The following ADARB2 variants were observed in gnomAD, a reference collection of about 807,000 sequenced individuals.
ADARB2 encodes the protein adenosine deaminase RNA specific B2 (inactive).
A neutral mutation model predicts 62.2 loss-of-function variants in ADARB2; 25 were observed. The observed-to-expected ratio is 0.40, with a 90% CI of 0.29 to 0.56. The LOEUF (loss-of-function observed/expected upper bound fraction) is 0.56, where lower values mean the gene tolerates loss of function less well. Ranked by LOEUF, ADARB2 falls within the 20% of genes least tolerant of loss-of-function variation. The pLI is 0.43. For synonymous variants in ADARB2, 572 were observed against 500.8 expected (o/e 1.14, Z -1.90); for missense variants, 1,071 against 1,077.4 (o/e 0.99, Z 0.08).
intron 3 of ADARB2, among the ~76,000 whole-genome samples, chr10:1,353,624 A>G (rs1832166381): frequency 6.6e-6 from 1 of 152,060 alleles, no homozygotes; most frequent in Non-Finnish European, 1.5e-5. Context: ...ACCTCTCACG[A>G]CACAAACTAC....
intron 1 of ADARB2, among the ~76,000 whole-genome samples, chr10:1,625,560 A>G (rs1167269484): frequency 1.3e-5 from 2 of 152,046 alleles, no homozygotes; most frequent in African/African-American, 2.4e-5. Flanking sequence ...TAAGCTCCAC[A>G]GGTGGAGGCC....
chr10:1,693,845 T>C (rs987865435), intron 1 of ADARB2, among the ~76,000 whole-genome samples: 2 of 152,250 alleles, frequency 1.3e-5, no homozygotes, highest in Non-Finnish European at 2.9e-5. Context: ...AAATTTCCTT[T>C]AAATAATCAA....
At chr10:1,312,349 T>A (rs571197195) in intron 3 of ADARB2, among the ~76,000 whole-genome samples, 1 of 152,240 alleles carries the variant, frequency 6.6e-6, no homozygotes, top group African/African-American at 2.4e-5. Flanking sequence ...CAGGTCAGAG[T>A]GAGCCCCCGG....
chr10:1,249,527 C>T (rs1269655937), intron 4 of ADARB2, among the ~76,000 whole-genome samples: 1 of 150,830 alleles, frequency 6.6e-6, no homozygotes, highest in African/African-American at 2.4e-5. Flanking sequence ...CAAAATACAA[C>T]AAATGCTTTT....
intron 3 of ADARB2, among the ~76,000 whole-genome samples, chr10:1,323,462 C>A (rs1831814411): frequency 6.6e-6 from 1 of 152,084 alleles, no homozygotes; most frequent in African/African-American, 2.4e-5. Context: ...TAGACATAGA[C>A]AAGCTTATTC....
intron 1 of ADARB2, among the ~76,000 whole-genome samples, chr10:1,449,012 C>T (rs552795833): frequency 4.6e-5 from 7 of 152,224 alleles, no homozygotes; most frequent in Admixed American, 1.3e-4. Flanking sequence ...GAAGCGAGTT[C>T]GGGGAGAAAA....
intron 1 of ADARB2, among the ~76,000 whole-genome samples, chr10:1,469,809 T>C (rs1831298520): frequency 6.6e-6 from 1 of 152,156 alleles, no homozygotes; most frequent in Non-Finnish European, 1.5e-5. Context: ...AGAGAGATGG[T>C]AAAAGGGCTC....
At chr10:1,373,684 G>A (rs1415327424) in intron 2 of ADARB2, among the ~76,000 whole-genome samples, 2 of 152,204 alleles carry the variant, frequency 1.3e-5, no homozygotes, top group African/African-American at 4.8e-5. Flanking sequence ...AGACAGCACA[G>A]CTCCCCTGCC....
rs923434490 is a variant in ADARB2, at chr10:1,329,196, G to A, written c.1077+33832C>T. ...ATTTCAGCACGACAGAGAGCATCTC[G>A]GCAGCTGTCTGCATTCTGTGCCTGC... On this transcript the variant is annotated intron_variant, in intron 3 of 9. Coordinates refer to ENST00000381312, the MANE Select transcript of ADARB2 (RefSeq NM_018702.4). Among the ~76,000 whole-genome samples the A allele has an allele frequency of 3.3e-5, 5 of 152,220 alleles. No homozygotes were observed. The East Asian group carries it at 5.8e-4, about 18-fold the overall frequency.
At chr10:1,336,642 G>A (rs1370422098) in intron 3 of ADARB2, among the ~76,000 whole-genome samples, 1 of 152,174 alleles carries the variant, frequency 6.6e-6, no homozygotes, top group Non-Finnish European at 1.5e-5. Context: ...TCAGCTGCTT[G>A]TGAATTATGA....
intron 1 of ADARB2, among the ~76,000 whole-genome samples, chr10:1,600,082 T>A (rs1833390505): frequency 6.6e-6 from 1 of 152,146 alleles, no homozygotes; most frequent in African/African-American, 2.4e-5. Context: ...CTTCTACTTT[T>A]TAAAAAGTCA....
At chr10:1,248,754 T>C (rs2131781521) in intron 4 of ADARB2, among the ~76,000 whole-genome samples, 1 of 152,368 alleles carries the variant, frequency 6.6e-6, no homozygotes, top group East Asian at 1.9e-4. Flanking sequence ...GTAAAACTAC[T>C]ACTCTGTAAG....
chr10:1,191,738 G>C (rs1182190459), intron 8 of ADARB2, among the ~76,000 whole-genome samples: 1 of 152,102 alleles, frequency 6.6e-6, no homozygotes, highest in Non-Finnish European at 1.5e-5. Context: ...TGGTCTCCCG[G>C]AGCCTTTGAC....
At chr10:1,450,289 A>G (rs1436694955) in intron 1 of ADARB2, among the ~76,000 whole-genome samples, 1 of 152,258 alleles carries the variant, frequency 6.6e-6, no homozygotes, top group African/African-American at 2.4e-5. Context: ...CATAAAAGAC[A>G]CTAATAATCT....
rs538980523 is a variant in ADARB2 at position 1,713,338 on chromosome 10, G to A, written c.100+23713C>T. On this transcript the variant is annotated intron_variant, in intron 1 of 9. Transcript: ENST00000381312. ...CATCCAACCACCTTACCACAGAACT[G>A]TCTCGCCATGTGGAGAGTTAGAGAA... is the stretch of plus-strand genomic sequence containing the variant. Among the ~76,000 whole-genome samples, 22 of 152,326 alleles carry A rather than the reference G, an allele frequency of 1.4e-4. No individual in the cohort carries two copies. In the South Asian group the frequency reaches 3.9e-3, roughly 27 times the overall value.
intron 1 of ADARB2, among the ~76,000 whole-genome samples, chr10:1,717,419 A>T (rs962917381): frequency 6.7e-6 from 1 of 148,512 alleles, no homozygotes; most frequent in Non-Finnish European, 1.5e-5. Context: ...ACGGGTCCTC[A>T]CTCTCAGACC....
chr10:1,450,550 C>G (rs1049441289), intron 1 of ADARB2, among the ~76,000 whole-genome samples: 1 of 152,346 alleles, frequency 6.6e-6, no homozygotes, highest in Non-Finnish European at 1.5e-5. Context: ...TCACATCTAC[C>G]GTTTGCTGGC....
intron 1 of ADARB2, among the ~76,000 whole-genome samples, chr10:1,433,667 C>G (rs773685084): frequency 1.3e-4 from 20 of 152,146 alleles, no homozygotes. Context: ...CCACCTCCCA[C>G]CAACCCTGAG....
chr10:1,519,487 C>T (rs180679718), intron 1 of ADARB2, among the ~76,000 whole-genome samples: 175 of 152,250 alleles, frequency 1.1e-3, no homozygotes, highest in African/African-American at 4.0e-3. Flanking sequence ...ATGCTTGCAT[C>T]GTAGGGGCCT....
Sources: gnomAD v4.1 joint callset for allele counts (sites outside exome capture counted in the v4.1 genomes callset) on GRCh38, gnomAD v4.1.1 for gene constraint, MANE v1.5 for transcripts, NCBI Gene and HGNC (gene_info 2026-07-23, HGNC 2026-07-21) for gene names.